The following TXNL4A variants were observed in gnomAD, a reference collection of about 807,000 sequenced individuals.
TXNL4A encodes the protein thioredoxin like 4A, also known as thioredoxin-like protein 4A.
In TXNL4A, 17 loss-of-function variants were observed where a neutral mutation model predicts 14.6. The observed-to-expected ratio is 1.16, with a 90% CI of 0.80 to 1.74. The LOEUF (loss-of-function observed/expected upper bound fraction) is 1.74. TXNL4A is among the 40% of genes most tolerant of loss of function. TXNL4A has a pLI of 0.00. For missense variants in TXNL4A, 74 were observed against 195.2 expected (o/e 0.38, Z 3.70); for synonymous variants, 83 against 70.6 (o/e 1.18, Z -0.88).
At chr18:79,998,288 G>A (rs1264089963) in intron 1 of TXNL4A, among the ~76,000 whole-genome samples, 7 of 148,188 alleles carry the variant, frequency 4.7e-5, no homozygotes, top group East Asian at 2.0e-4. Flanking sequence ...GCGAGACTCC[G>A]TCTCAAAAAA....
At chr18:79,990,921 G>C (rs534129047), upstream of TXNL4A, among the ~76,000 whole-genome samples, 3 of 151,460 alleles carry the variant, frequency 2.0e-5, no homozygotes, top group Non-Finnish European at 4.4e-5. Context: ...TGGCTAACAC[G>C]GTGAAACCCC....
At chr18:79,994,083 C>T (rs537681356) in intron 1 of TXNL4A, among the ~76,000 whole-genome samples, 1 of 152,268 alleles carries the variant, frequency 6.6e-6, no homozygotes, top group Admixed American at 6.5e-5. Flanking sequence ...AGCTAAAACC[C>T]CAGCAGCTGA....
chr18:79,980,183 C>T (rs536126075), intron 1 of TXNL4A, among the ~76,000 whole-genome samples: 2 of 152,242 alleles, frequency 1.3e-5, no homozygotes, highest in East Asian at 3.9e-4. Context: ...GCTGGCAGCA[C>T]CAGAAGCTGG....
Position 79,971,257 on chromosome 18 carries a change from T to C in TXNL4A, c.*2428A>G, listed in dbSNP as rs1316657830. 6.6e-6 allele frequency: 1 copy of C among 152,256 alleles called. No individual in the cohort carries two copies. Among genetic ancestry groups the C allele is most frequent in the Admixed American group, 6.5e-5 (1 of 15,288 alleles). The allele number at this position is 152,256 out of a possible 1,614,324, so 9.4% of individuals were successfully genotyped here. A position where few individuals can be genotyped will look rare whatever the true frequency, so the allele number is the denominator to read the frequency against. On this transcript the variant is annotated 3_prime_UTR_variant, in exon 3 of 3. Coordinates refer to ENST00000269601, the MANE Select transcript of TXNL4A (RefSeq NM_006701.5). ...CCACATTTTGGCTTCTGTGTACGAG[T>C]TTCTATGTGGACATATGCGTTCAAT...
At chr18:79,974,308 A>C (rs1408482533) in intron 2 of TXNL4A, among the ~76,000 whole-genome samples, 1 of 152,244 alleles carries the variant, frequency 6.6e-6, no homozygotes, top group Non-Finnish European at 1.5e-5. Flanking sequence ...TCTTATGAGC[A>C]ATGACATAAA....
At chr18:80,005,287 G>A (rs1378918649) in intron 1 of TXNL4A, among the ~76,000 whole-genome samples, 1 of 152,226 alleles carries the variant, frequency 6.6e-6, no homozygotes, top group African/African-American at 2.4e-5. Flanking sequence ...TCCCTGTGAT[G>A]ACAACCCAGG....
chr18:79,978,908 T>C (rs1490357224), intron 1 of TXNL4A, among the ~76,000 whole-genome samples: 1 of 151,892 alleles, frequency 6.6e-6, no homozygotes. Context: ...ACTACAATAT[T>C]TTGTATGCTG....
intron 1 of TXNL4A, among the ~76,000 whole-genome samples, chr18:79,998,131 A>G (rs1358754329): frequency 6.6e-6 from 1 of 152,034 alleles, no homozygotes. Flanking sequence ...CTCTGTACTA[A>G]AAATACAAAA....
At chr18:80,010,968 T>C (rs1369405605) in intron 1 of TXNL4A, among the ~76,000 whole-genome samples, 1 of 151,996 alleles carries the variant, frequency 6.6e-6, no homozygotes, top group Non-Finnish European at 1.5e-5. Context: ...CTTTTTTTTT[T>C]TCTTTGGCTA....
intron 1 of TXNL4A, among the ~76,000 whole-genome samples, chr18:80,017,899 C>T (rs2051822822): frequency 6.6e-6 from 1 of 151,304 alleles, no homozygotes; most frequent in Non-Finnish European, 1.5e-5. Flanking sequence ...GGGAGGATTC[C>T]CTCTTTTTCT....
At chr18:80,029,523 G>A (rs1211570314) in intron 1 of TXNL4A, among the ~76,000 whole-genome samples, 2 of 152,204 alleles carry the variant, frequency 1.3e-5, no homozygotes, top group African/African-American at 2.4e-5. Flanking sequence ...CCACTGTGGT[G>A]AGTCCCAGGT....
chr18:80,004,125 T>A (rs1477517260), intron 1 of TXNL4A, among the ~76,000 whole-genome samples: 1 of 68,496 alleles, frequency 1.5e-5, no homozygotes, highest in Non-Finnish European at 3.6e-5. Context: ...CACCATAAGC[T>A]ACTTAAAAAA....
intron 1 of TXNL4A, among the ~76,000 whole-genome samples, chr18:79,994,199 A>G (rs1235350338): frequency 1.3e-5 from 2 of 152,248 alleles, no homozygotes; most frequent in African/African-American, 2.4e-5. Flanking sequence ...TAACCAAAGT[A>G]GTTCTAAGTT....
intron 1 of TXNL4A, among the ~76,000 whole-genome samples, chr18:80,022,372 G>A (rs766601350): frequency 4.0e-4 from 61 of 152,202 alleles, no homozygotes; most frequent in Non-Finnish European, 7.3e-4. Flanking sequence ...CCAAAAGGGT[G>A]GGGTTAACTG....
Position 79,971,213 on chromosome 18 carries a change from T to C in TXNL4A, c.*2472A>G, listed in dbSNP as rs1362041698. ...GACATTTTGTTTAACCGTTCATCTG[T>C]TGATGGACACGTGGGTTTCCACATT... On this transcript the variant is annotated 3_prime_UTR_variant, in exon 3 of 3. Coordinates refer to ENST00000269601, the MANE Select transcript of TXNL4A (RefSeq NM_006701.5). The C allele has an allele frequency of 6.6e-6, 1 of 152,328 alleles. No homozygotes were observed. The highest frequency in any genetic ancestry group is 2.4e-5 in the African/African-American group (1 of 41,478). 9.4% of individuals were successfully genotyped at this position (152,328 alleles called of 1,614,324 possible). A position where few individuals can be genotyped will look rare whatever the true frequency, so the allele number is the denominator to read the frequency against.
chr18:79,996,491 C>T (rs1308772225), intron 1 of TXNL4A, among the ~76,000 whole-genome samples: 1 of 152,224 alleles, frequency 6.6e-6, no homozygotes, highest in African/African-American at 2.4e-5. Context: ...CTAAGTGTGA[C>T]ATGCTCCGTT....
At chr18:80,012,615 A>G (rs1212436150) in intron 1 of TXNL4A, among the ~76,000 whole-genome samples, 2 of 152,192 alleles carry the variant, frequency 1.3e-5, no homozygotes, top group African/African-American at 4.8e-5. Context: ...TCTAATGGCA[A>G]TATCTTTAGG....
upstream of TXNL4A, chr18:79,988,742 T>G: frequency 2.4e-5 from 4 of 167,008 alleles, no homozygotes; most frequent in East Asian, 1.6e-4. Flanking sequence ...GGAGTGGGGG[T>G]TCCTCCCCAG....
chr18:79,980,751 G>T (rs1306579385), intron 1 of TXNL4A, among the ~76,000 whole-genome samples: 1 of 151,768 alleles, frequency 6.6e-6, no homozygotes, highest in Non-Finnish European at 1.5e-5. Flanking sequence ...AAACCCCAAG[G>T]TGAGCACACG....
Sources: allele counts gnomAD v4.1 joint callset (sites outside exome capture counted in the v4.1 genomes callset), GRCh38; gene constraint gnomAD v4.1.1; transcripts MANE v1.5; gene names NCBI Gene and HGNC (gene_info 2026-07-23, HGNC 2026-07-21).